The following CLEC3B variants were observed in gnomAD, a reference collection of about 807,000 sequenced individuals.
CLEC3B encodes the protein C-type lectin domain family 3 member B, also known as tetranectin.
CLEC3B carries 13 observed loss-of-function variants against 15.4 expected under a neutral mutation model. The observed-to-expected ratio is 0.84, with a 90% CI of 0.55 to 1.34. The LOEUF (loss-of-function observed/expected upper bound fraction) is 1.34. Ranked by LOEUF, CLEC3B falls within the 40% of genes most tolerant of loss-of-function variation. The pLI is 0.00. For missense variants in CLEC3B, 242 were observed against 268.6 expected, an observed-to-expected ratio of 0.90 and a Z score of 0.69; for synonymous variants, 112 against 114.7, an observed-to-expected ratio of 0.98 and a Z score of 0.15.
intron 1 of CLEC3B, among the ~76,000 whole-genome samples, chr3:45,027,791 T>G (rs1697503472): frequency 6.6e-6 from 1 of 152,116 alleles, no homozygotes; most frequent in East Asian, 1.9e-4. Flanking sequence ...TTAGCCAAAA[T>G]CGCCACCAAG....
At chr3:45,028,509 T>C (rs184978378) in intron 1 of CLEC3B, among the ~76,000 whole-genome samples, 1 of 152,308 alleles carries the variant, frequency 6.6e-6, no homozygotes, top group East Asian at 1.9e-4. Flanking sequence ...TGGGCCGAGA[T>C]TGCACCACTG....
chr3:45,031,711 A>G (rs1252428147), intron 2 of CLEC3B, among the ~76,000 whole-genome samples: 4 of 151,422 alleles, frequency 2.6e-5, no homozygotes, highest in African/African-American at 4.9e-5. Context: ...ATTGTTTCTC[A>G]CTCCCCATGT....
At position 45,026,490 on chromosome 3, in the gene CLEC3B, C is replaced by A. The variant is rs1697486689; in HGVS notation, c.109+19C>A. On this transcript the variant is annotated intron_variant, in intron 1 of 2. Coordinates refer to ENST00000296130, the MANE Select transcript of CLEC3B (RefSeq NM_003278.3). Reference sequence around the variant, plus strand: ...AAGAAAGGTAAGGAGGGGGACAGAGCCCTGTGCCATCTTCCAGGGAGCAGG... The same window carrying A: ...AAGAAAGGTAAGGAGGGGGACAGAGACCTGTGCCATCTTCCAGGGAGCAGG... The A allele has an allele frequency of 6.2e-7, 1 of 1,602,184 alleles. No homozygotes were observed. The highest frequency in any genetic ancestry group is 1.1e-5 in the South Asian group (1 of 90,708).
intron 1 of CLEC3B, among the ~76,000 whole-genome samples, chr3:45,029,413 G>T (rs768454489): frequency 6.6e-6 from 1 of 152,176 alleles, no homozygotes; most frequent in East Asian, 1.9e-4. Flanking sequence ...GGTACATCAC[G>T]TGACTGGGTA....
chr3:45,032,955 T>G (rs1697583738), intron 2 of CLEC3B, among the ~76,000 whole-genome samples: 1 of 152,172 alleles, frequency 6.6e-6, no homozygotes. Flanking sequence ...GTCTTCCACT[T>G]CCATCTCATT....
At chr3:45,031,500 A>G (rs917836141) in intron 2 of CLEC3B, among the ~76,000 whole-genome samples, 7 of 152,240 alleles carry the variant, frequency 4.6e-5, no homozygotes, top group African/African-American at 1.7e-4. Flanking sequence ...CAGGTCCTGA[A>G]CCTGGCTCAT....
At chr3:45,034,567 G>A (rs1175087483) in intron 2 of CLEC3B, 1 of 152,194 alleles carries the variant, frequency 6.6e-6, no homozygotes, top group African/African-American at 2.4e-5. Context: ...CGATTTATAC[G>A]ATCTCAGGAG....
intron 2 of CLEC3B, among the ~76,000 whole-genome samples, chr3:45,033,231 A>G (rs183375270): frequency 3.3e-5 from 5 of 152,260 alleles, no homozygotes; most frequent in African/African-American, 9.6e-5. Context: ...CCAGGCATCA[A>G]CTGCCACCTG....
At chr3:45,029,798 T>C (rs537691340) in intron 1 of CLEC3B, among the ~76,000 whole-genome samples, 2 of 152,204 alleles carry the variant, frequency 1.3e-5, no homozygotes, top group East Asian at 3.9e-4. Context: ...TACACACACA[T>C]AGAAATATGC....
intron 2 of CLEC3B, among the ~76,000 whole-genome samples, chr3:45,032,048 G>A (rs868291578): frequency 1.3e-5 from 2 of 151,128 alleles, no homozygotes; most frequent in Admixed American, 6.6e-5. Flanking sequence ...AAGGAGCAGA[G>A]CCTCACTTAG....
rs1372964529 is a variant in CLEC3B, at chr3:45,035,723, C to T, written c.408C>T (p.Asn136=). 2.5e-6 allele frequency: 4 copies of T among 1,613,850 alleles called. No homozygotes were observed. The highest frequency in any genetic ancestry group is 1.6e-4 in the Middle Eastern group (1 of 6,062). ...GNEAEIWLGL[N]DMAAEGTWVD... ...AGGCCGAGATCTGGCTGGGCCTCAA[C>T]GACATGGCGGCCGAGGGCACCTGGG... Residue 136 remains asparagine (N), a synonymous_variant, in exon 3 of 3, where the codon AAC becomes AAT. Transcript: ENST00000296130.
intron 2 of CLEC3B, among the ~76,000 whole-genome samples, chr3:45,031,690 C>T (rs1028453885): frequency 2.0e-5 from 3 of 152,202 alleles, no homozygotes; most frequent in Non-Finnish European, 4.4e-5. Context: ...GGCCAGCATA[C>T]CTGGCAGCCT....
In CLEC3B at chr3:45,035,954, G is replaced by T. The variant is rs1035832850; in HGVS notation, c.*30G>T. On this transcript the variant is annotated 3_prime_UTR_variant, in exon 3 of 3. Coordinates refer to ENST00000296130, the MANE Select transcript of CLEC3B (RefSeq NM_003278.3). The stretch of plus-strand genomic sequence containing the variant: ...CGGGGCGGGGGCCGTGGGGGGCCTG[G>T]AGGAGGGCAGGGGCCGCGGGAGGCC... 3.2e-6 allele frequency: 5 copies of T among 1,543,394 alleles called. No homozygotes were observed. In the African/African-American group the frequency reaches 5.4e-5, roughly 17 times the overall value.
rs779172786 is a variant in CLEC3B at position 45,035,776 on chromosome 3, A to G, written c.461A>G (p.Tyr154Cys). The G allele has an allele frequency of 1.9e-6, 3 of 1,613,608 alleles. No homozygotes were observed. The highest frequency in any genetic ancestry group is 1.1e-5 in the South Asian group (1 of 91,092). Reference protein sequence around the residue: ...WVDMTGARIAYKNWETEITAQ... With the variant: ...WVDMTGARIACKNWETEITAQ... ...GACATGACCGGCGCCCGCATCGCCTACAAGAACTGGGAGACTGAGATCACC... is the reference window on the plus strand; with the variant it reads ...GACATGACCGGCGCCCGCATCGCCTGCAAGAACTGGGAGACTGAGATCACC... Residue 154 changes from tyrosine to cysteine, a missense_variant, in exon 3 of 3, where the codon TAC becomes TGC. Physicochemically the swap from Tyr to Cys is radical, Grantham distance 194. Transcript: ENST00000296130.
At chr3:45,034,906 G>A (rs1415266072) in intron 2 of CLEC3B, among the ~76,000 whole-genome samples, 1 of 152,196 alleles carries the variant, frequency 6.6e-6, no homozygotes, top group Non-Finnish European at 1.5e-5. Context: ...GTTTGGGTAG[G>A]GATTTGGGGC....
intron 1 of CLEC3B, among the ~76,000 whole-genome samples, chr3:45,028,614 C>T (rs773154898): frequency 2.6e-4 from 39 of 152,052 alleles, no homozygotes; most frequent in Non-Finnish European, 5.0e-4. Flanking sequence ...TTGGGCCCCA[C>T]CCCTGGAAAT....
chr3:45,035,633 C>A lies in CLEC3B; in HGVS notation c.318C>A (p.Gly106=). ...EDCISRGGTL[G]TPQTGSENDA... is the part of the protein sequence containing the mutation. ...GCATCTCGCGCGGGGGCACCCTGGG[C>A]ACCCCTCAGACTGGCTCGGAGAACG... Residue 106 remains glycine, a synonymous_variant, in exon 3 of 3, where the codon GGC becomes GGA. Transcript: ENST00000296130. 2 of 1,614,074 alleles carry A rather than the reference C, an allele frequency of 1.2e-6. No individual in the cohort carries two copies. Among genetic ancestry groups the A allele is most frequent in the Non-Finnish European group, 1.7e-6 (2 of 1,180,024 alleles).
At chr3:45,035,410 G>A (rs1274726366) in intron 2 of CLEC3B, 114 bp from the exon 3 acceptor site, 4 of 1,414,404 alleles carry the variant, frequency 2.8e-6, no homozygotes, top group Non-Finnish European at 3.8e-6. Context: ...GGGCTGTCAG[G>A]ACTGATGGGA....
rs955745250 is a variant in CLEC3B at position 45,036,056 on chromosome 3, A to G, written c.*132A>G. 9.1e-7 allele frequency: 1 copy of G among 1,103,836 alleles called. No homozygotes were observed. Among genetic ancestry groups the G allele is most frequent in the East Asian group, 2.6e-5 (1 of 38,346 alleles). 68.4% of individuals were successfully genotyped at this position (1,103,836 alleles called of 1,614,324 possible). ...CTCTTTTTGCAAATAAAGTTGGTGC[A>G]GCTTCGCGGAGAGGAGAGGCGCTGC... On this transcript the variant is annotated 3_prime_UTR_variant, in exon 3 of 3. Coordinates refer to ENST00000296130, the MANE Select transcript of CLEC3B (RefSeq NM_003278.3).
Sources: allele counts gnomAD v4.1 joint callset (sites outside exome capture counted in the v4.1 genomes callset), GRCh38; gene constraint gnomAD v4.1.1; transcripts MANE v1.5; gene names NCBI Gene and HGNC (gene_info 2026-07-23, HGNC 2026-07-21).